ADAMTS19: variants seen among roughly 807,000 people sequenced by gnomAD.
ADAMTS19 encodes ADAM metallopeptidase with thrombospondin type 1 motif 19, also known as A disintegrin and metalloproteinase with thrombospondin motifs 19.
A neutral mutation model predicts 153.3 loss-of-function variants in ADAMTS19; 93 were observed. That is an observed-to-expected ratio of 0.61 (90% CI 0.51 to 0.72). The LOEUF (loss-of-function observed/expected upper bound fraction) is 0.72. Among genes scored for constraint, ADAMTS19 ranks in the 30% least tolerant of loss-of-function variants. ADAMTS19 has a pLI of 0.00. For missense variants in ADAMTS19, 1,482 were observed against 1,552.1 expected (o/e 0.95, Z 0.76); for synonymous variants, 600 against 556.6 (o/e 1.08, Z -1.10).
intron 7 of ADAMTS19, among the ~76,000 whole-genome samples, chr5:129,574,990 T>C (rs1359933777): frequency 6.6e-6 from 1 of 152,004 alleles, no homozygotes; most frequent in Non-Finnish European, 1.5e-5. Context: ...TAACAAATTA[T>C]GTCAAAAACT....
Position 129,551,902 on chromosome 5 carries a change from C to T in ADAMTS19, c.1367C>T (p.Thr456Ile), listed in dbSNP as rs1753135045. ...FCVHKDEPCD[T>I]VGIAYLSGMC... Reference sequence around the variant, plus strand: ...GTGCACAAAGATGAACCATGTGATACTGTTGGTAAGTGTGAAAATTCTCAC... The same window carrying T: ...GTGCACAAAGATGAACCATGTGATATTGTTGGTAAGTGTGAAAATTCTCAC... Residue 456 changes from threonine (T) to isoleucine (I), a missense_variant, in exon 7 of 23, where the codon ACT (threonine) becomes ATT (isoleucine). This residue lies in a region of ADAMTS19 where 866 missense variants were observed against 827.7 expected (regional missense o/e 1.05). Transcript: ENST00000274487. 1 of 1,573,194 alleles carries T rather than the reference C, an allele frequency of 6.4e-7. No homozygotes were observed. The highest frequency in any genetic ancestry group is 8.6e-7 in the Non-Finnish European group (1 of 1,161,418).
chr5:129,570,623 GA>G (rs1371058789), intron 7 of ADAMTS19, among the ~76,000 whole-genome samples: 1 of 72,006 alleles, frequency 1.4e-5, no homozygotes, highest in Non-Finnish European at 4.3e-5. Context: ...AGGAGTACAG[GA>G]AAAAAATTAA....
At chr5:129,546,892 C>A (rs1026507596) in intron 6 of ADAMTS19, among the ~76,000 whole-genome samples, 1 of 150,792 alleles carries the variant, frequency 6.6e-6, no homozygotes, top group African/African-American at 2.5e-5. Flanking sequence ...AAGATGGAAC[C>A]ATAATTTCAG....
At chr5:129,544,628 C>A (rs749048202) in intron 6 of ADAMTS19, among the ~76,000 whole-genome samples, 1 of 152,084 alleles carries the variant, frequency 6.6e-6, no homozygotes. Flanking sequence ...CAAGTTCTGG[C>A]AACAAGTTTA....
At chr5:129,722,699 G>T (rs1437810799) in intron 21 of ADAMTS19, among the ~76,000 whole-genome samples, 1 of 152,082 alleles carries the variant, frequency 6.6e-6, no homozygotes, top group Non-Finnish European at 1.5e-5. Flanking sequence ...ATATTGCCTA[G>T]ATTTTCTTCT....
At chr5:129,731,926 G>A (rs1757458696) in intron 21 of ADAMTS19, among the ~76,000 whole-genome samples, 2 of 151,932 alleles carry the variant, frequency 1.3e-5, no homozygotes, top group Admixed American at 1.3e-4. Context: ...AAAATGGCTA[G>A]TAAATAAATC....
chr5:129,642,840 A>C (rs1402957984), intron 11 of ADAMTS19, among the ~76,000 whole-genome samples: 1 of 121,362 alleles, frequency 8.2e-6, no homozygotes, highest in African/African-American at 4.1e-5. Flanking sequence ...ATGGACAGAA[A>C]TGAAGCTATT....
intron 7 of ADAMTS19, among the ~76,000 whole-genome samples, chr5:129,579,683 T>C (rs1007621616): frequency 6.6e-6 from 1 of 152,222 alleles, no homozygotes; most frequent in Non-Finnish European, 1.5e-5. Flanking sequence ...CACCGTTTAT[T>C]AAATAGGGAA....
At chr5:129,460,624 G>T in intron 1 of ADAMTS19, 142 bp downstream of exon 1, 2 of 858,856 alleles carry the variant, frequency 2.3e-6, no homozygotes, top group Admixed American at 4.2e-5. Context: ...TGAGGTGCAG[G>T]TTAAGGGGTC....
intron 8 of ADAMTS19, among the ~76,000 whole-genome samples, chr5:129,618,771 T>A (rs1465952910): frequency 1.3e-5 from 2 of 152,020 alleles, no homozygotes; most frequent in African/African-American, 4.8e-5. Flanking sequence ...AATAATGGAC[T>A]ATCCTGCCAT....
intron 7 of ADAMTS19, among the ~76,000 whole-genome samples, chr5:129,563,299 C>T (rs543906843): frequency 6.6e-6 from 1 of 151,952 alleles, no homozygotes; most frequent in Non-Finnish European, 1.5e-5. Context: ...CATCTTTTTA[C>T]TTCAATACCT....
chr5:129,604,915 T>C (rs930049171), intron 8 of ADAMTS19, among the ~76,000 whole-genome samples: 16 of 152,246 alleles, frequency 1.1e-4, no homozygotes, highest in South Asian at 4.1e-4. Context: ...TGACAGTAAA[T>C]GAAGCTCCAT....
At chr5:129,600,149 A>G (rs1344996446) in intron 8 of ADAMTS19, among the ~76,000 whole-genome samples, 1 of 152,204 alleles carries the variant, frequency 6.6e-6, no homozygotes, top group Non-Finnish European at 1.5e-5. Context: ...TAGTCTCTCT[A>G]GTAGGGAAAG....
chr5:129,489,467 T>A (rs1028429170), intron 2 of ADAMTS19, among the ~76,000 whole-genome samples: 1 of 152,162 alleles, frequency 6.6e-6, no homozygotes, highest in African/African-American at 2.4e-5. Flanking sequence ...AGTTGAATTG[T>A]ATGAAATTCT....
chr5:129,669,999 A>G (rs1008324508), intron 16 of ADAMTS19, among the ~76,000 whole-genome samples: 6 of 152,104 alleles, frequency 3.9e-5, no homozygotes, highest in African/African-American at 1.2e-4. Context: ...TCAGCTCATC[A>G]TATTCACTAA....
At chr5:129,476,091 T>C (rs10520040) in intron 2 of ADAMTS19, among the ~76,000 whole-genome samples, 17,351 of 152,070 alleles carry the variant, frequency 0.11, 1,120 homozygotes, top group Middle Eastern at 0.16. Context: ...ACGCTGTTTA[T>C]TTGTTTGCTT....
At chr5:129,642,731 A>G (rs1030116479) in intron 11 of ADAMTS19, among the ~76,000 whole-genome samples, 9 of 152,234 alleles carry the variant, frequency 5.9e-5, no homozygotes, top group Non-Finnish European at 1.5e-5. Context: ...TTGAAAATAA[A>G]TAGCAACGTA....
In ADAMTS19 at chr5:129,694,734, A is replaced by C. The variant is rs1173601361; in HGVS notation, c.2833A>C (p.Thr945Pro). The C allele has an allele frequency of 6.3e-7, 1 of 1,599,144 alleles. No individual in the cohort carries two copies. The highest frequency in any genetic ancestry group is 1.3e-5 in the African/African-American group (1 of 74,440). Residue 945 changes from threonine (T) to proline (P), a missense_variant, in exon 19 of 23, where the codon ACA (threonine) becomes CCA (proline). By Grantham distance (38) the Thr-to-Pro change is conservative. Transcript: ENST00000274487. ...ATCGGGERKTTVSCTKIMSKN... is the reference protein window; with the variant it reads ...ATCGGGERKTPVSCTKIMSKN... ...GTTCTTTTCAGGAGAAAGGAAGACA[A>C]CAGTGTCCTGCACAAAAATCATGAG... is the stretch of plus-strand genomic sequence containing the variant.
At chr5:129,693,944 T>C (rs533294763) in intron 18 of ADAMTS19, among the ~76,000 whole-genome samples, 32 of 152,176 alleles carry the variant, frequency 2.1e-4, no homozygotes, top group Non-Finnish European at 4.4e-4. Flanking sequence ...TGAGTTATAC[T>C]CAAAACAAAT....
Sources: gnomAD v4.1 joint callset for allele counts (sites outside exome capture counted in the v4.1 genomes callset) on GRCh38, gnomAD v4.1.1 for gene constraint, gnomAD v4.1.1 regional missense constraint, MANE v1.5 for transcripts, NCBI Gene and HGNC (gene_info 2026-07-23, HGNC 2026-07-21) for gene names.